DPP10: variants seen among roughly 807,000 people sequenced by gnomAD.
DPP10 encodes the protein inactive dipeptidyl peptidase 10.
In DPP10, 33 loss-of-function variants were observed where a neutral mutation model predicts 120.9. The observed-to-expected ratio is 0.27, with a 90% confidence interval of 0.21 to 0.37. DPP10 has a LOEUF of 0.37. DPP10 is among the 10% of genes least tolerant of loss of function. The pLI is 1.00. For synonymous variants in DPP10, 337 were observed against 326.1 expected, an observed-to-expected ratio of 1.03 and a Z score of -0.36; for missense variants, 816 against 942.8, an observed-to-expected ratio of 0.87 and a Z score of 1.76.
At chr2:115,662,919 G>A (rs910503533) in intron 5 of DPP10, among the ~76,000 whole-genome samples, 4 of 152,152 alleles carry the variant, frequency 2.6e-5, no homozygotes, top group African/African-American at 9.7e-5. Flanking sequence ...CTGTATTTGA[G>A]CAAATCAATT....
intron 1 of DPP10, among the ~76,000 whole-genome samples, chr2:115,173,626 A>AT (rs1291992663): frequency 5.9e-5 from 9 of 152,300 alleles, no homozygotes; most frequent in African/African-American, 2.2e-4. Flanking sequence ...AGGTAGGCAC[A>AT]TATTAAATGA....
At chr2:115,289,503 A>AAAAAAAAAAAAAAAAAAAAT (rs70941042) in intron 1 of DPP10, among the ~76,000 whole-genome samples, 6 of 96,264 alleles carry the variant, frequency 6.2e-5, no homozygotes, top group Admixed American at 1.2e-4. Context: ...AAAAAAAAAA[A>AAAAAAAAAAAAAAAAAAAAT]AGGAAGAAAA....
intron 1 of DPP10, among the ~76,000 whole-genome samples, chr2:114,507,498 C>T (rs1683778191): frequency 6.6e-6 from 1 of 152,114 alleles, no homozygotes; most frequent in Non-Finnish European, 1.5e-5. Flanking sequence ...TTAAAATCAG[C>T]TTACTGAGCA....
rs549757147 is a variant in DPP10, at chr2:114,742,181, A to G, written c.60+299343A>G. On this transcript the variant is annotated intron_variant, in intron 1 of 25. Coordinates refer to ENST00000410059, the MANE Select transcript of DPP10 (RefSeq NM_020868.6). ...CATGGAGTCACATTTGCAAAGAAAC[A>G]TATAAAACTAGAATTCTCTAACAGC... 2.7e-3 allele frequency among the ~76,000 whole-genome samples: 410 copies of G among 152,354 alleles called. 2 individuals are homozygous for G. The highest frequency in any genetic ancestry group is 9.3e-3 in the African/African-American group (387 of 41,584).
At chr2:115,804,238 G>A (rs1019631350) in intron 19 of DPP10, among the ~76,000 whole-genome samples, 1 of 152,138 alleles carries the variant, frequency 6.6e-6, no homozygotes, top group Non-Finnish European at 1.5e-5. Context: ...ACTGAGGCTT[G>A]TGCATTCGTC....
chr2:115,173,419 G>A (rs907050204), intron 1 of DPP10, among the ~76,000 whole-genome samples: 1 of 152,104 alleles, frequency 6.6e-6, no homozygotes, highest in Non-Finnish European at 1.5e-5. Flanking sequence ...GCCCATAATT[G>A]TTATGTAAAC....
intron 1 of DPP10, among the ~76,000 whole-genome samples, chr2:115,072,963 A>G (rs1173934848): frequency 1.3e-5 from 2 of 151,984 alleles, no homozygotes; most frequent in Admixed American, 6.5e-5. Context: ...TTGCATTTTT[A>G]GGAGAGATGG....
intron 1 of DPP10, among the ~76,000 whole-genome samples, chr2:115,256,185 G>A (rs1193667704): frequency 2.0e-5 from 3 of 152,174 alleles, no homozygotes; most frequent in African/African-American, 7.2e-5. Context: ...AAGCAAACAC[G>A]TCTTTCTTCA....
At chr2:115,551,337 A>G (rs918489399) in intron 5 of DPP10, among the ~76,000 whole-genome samples, 2 of 152,140 alleles carry the variant, frequency 1.3e-5, no homozygotes, top group Non-Finnish European at 2.9e-5. Context: ...GGGCTTGGCT[A>G]TGGCTATGAT....
chr2:114,935,542 A>T lies in DPP10; in HGVS notation c.61-373697A>T, dbSNP rs1197203764. ...TGTCCCTTCATAAAATTGTGTTTCC[A>T]TGGTAGTGTCATTTAAAGGTGAATC... is the stretch of plus-strand genomic sequence containing the variant. On this transcript the variant is annotated intron_variant, in intron 1 of 25. Coordinates refer to ENST00000410059, the MANE Select transcript of DPP10 (RefSeq NM_020868.6). Among the ~76,000 whole-genome samples the T allele has an allele frequency of 4.6e-5, 7 of 152,268 alleles. No individual in the cohort carries two copies. In the South Asian group the frequency reaches 1.4e-3, roughly 32 times the overall value.
At chr2:115,310,362 A>T (rs2061527258) in intron 2 of DPP10, among the ~76,000 whole-genome samples, 2 of 152,208 alleles carry the variant, frequency 1.3e-5, no homozygotes, top group African/African-American at 4.8e-5. Flanking sequence ...AGAGTCATTT[A>T]GTCAAATAAT....
At chr2:114,849,661 G>A (rs188047154) in intron 1 of DPP10, among the ~76,000 whole-genome samples, 1 of 152,236 alleles carries the variant, frequency 6.6e-6, no homozygotes, top group African/African-American at 2.4e-5. Flanking sequence ...CAAGGGACAG[G>A]AAGATTTATA....
chr2:114,643,340 G>A (rs1695856346), intron 1 of DPP10, among the ~76,000 whole-genome samples: 1 of 151,898 alleles, frequency 6.6e-6, no homozygotes, highest in South Asian at 2.1e-4. Flanking sequence ...CTCCCGTGAA[G>A]CAATGCCGCC....
At position 115,351,323 on chromosome 2, in the gene DPP10, G is replaced by C. The variant is rs143690371; in HGVS notation, c.271+7411G>C. Among the ~76,000 whole-genome samples the C allele has an allele frequency of 3.5e-4, 53 of 152,146 alleles. 1 individual carries two copies. Among genetic ancestry groups the C allele is most frequent in the African/African-American group, 1.3e-3 (52 of 41,520 alleles). On this transcript the variant is annotated intron_variant, in intron 3 of 25. Transcript: ENST00000410059. ...CTTATAAGTGGGAGCTAAATCTTGA[G>C]GATGGGCAGACGTAACGATAGGAAC...
chr2:114,577,492 C>T (rs1010662513), intron 1 of DPP10, among the ~76,000 whole-genome samples: 1 of 152,140 alleles, frequency 6.6e-6, no homozygotes, highest in Non-Finnish European at 1.5e-5. Flanking sequence ...CATAGAAAGT[C>T]AGAGCTGCTG....
At chr2:114,578,151 A>G (rs1573703644) in intron 1 of DPP10, among the ~76,000 whole-genome samples, 1 of 152,236 alleles carries the variant, frequency 6.6e-6, no homozygotes, top group East Asian at 1.9e-4. Flanking sequence ...ATGGACATTT[A>G]GAACACTGCT....
intron 5 of DPP10, among the ~76,000 whole-genome samples, chr2:115,591,030 A>T (rs1046218761): frequency 1.3e-5 from 2 of 151,666 alleles, no homozygotes; most frequent in Non-Finnish European, 2.9e-5. Flanking sequence ...TTTCTTGTTT[A>T]AGTTCTTTGT....
At chr2:115,242,751 C>T (rs2058348431) in intron 1 of DPP10, among the ~76,000 whole-genome samples, 1 of 151,224 alleles carries the variant, frequency 6.6e-6, no homozygotes, top group Non-Finnish European at 1.5e-5. Flanking sequence ...TTGGCGTTTC[C>T]CTGGTCATTA....
intron 1 of DPP10, among the ~76,000 whole-genome samples, chr2:114,980,377 A>G (rs1450959789): frequency 6.6e-6 from 1 of 152,094 alleles, no homozygotes; most frequent in Admixed American, 6.6e-5. Context: ...ATAATAATAT[A>G]GTCACAAATC....
Sources: allele counts gnomAD v4.1 joint callset (sites outside exome capture counted in the v4.1 genomes callset), GRCh38; gene constraint gnomAD v4.1.1; transcripts MANE v1.5; gene names NCBI Gene and HGNC (gene_info 2026-07-23, HGNC 2026-07-21).